Variants in ZNF717 observed in about 807,000 individuals in gnomAD.
ZNF717 encodes zinc finger protein 717.
In ZNF717, 9 loss-of-function variants were observed where a neutral mutation model predicts 13.8. The ratio of observed to expected loss-of-function variants is 0.65; its 90% CI spans 0.39 to 1.14. The LOEUF (loss-of-function observed/expected upper bound fraction) is 1.14, where lower values mean the gene tolerates loss of function less well. Among genes scored for constraint, ZNF717 ranks in the 50% most tolerant of loss-of-function variants. The probability of loss-of-function intolerance (pLI) is 0.01; values close to 1 mark genes in which losing one functional copy is unlikely to be tolerated. For missense variants in ZNF717, 1,040 were observed against 1,080.7 expected (o/e 0.96, Z 0.53); for synonymous variants, 327 against 364.1 (o/e 0.90, Z 1.16).
At chr3:75,698,346 A>G (rs1937627567) in intron 6 of ZNF717, among the ~76,000 whole-genome samples, 1 of 152,308 alleles carries the variant, frequency 6.6e-6, no homozygotes. Flanking sequence ...TAGCCAAGAC[A>G]ATGGGAAAGA....
At chr3:75,782,990 G>C (rs1041766561) in intron 2 of ZNF717, among the ~76,000 whole-genome samples, 2 of 152,240 alleles carry the variant, frequency 1.3e-5, no homozygotes, top group Non-Finnish European at 2.9e-5. Context: ...TGGTGGTTCA[G>C]ACTTGGTGCA....
intron 2 of ZNF717, among the ~76,000 whole-genome samples, chr3:75,772,361 G>A (rs1383109405): frequency 6.6e-6 from 1 of 152,342 alleles, no homozygotes; most frequent in East Asian, 1.9e-4. Context: ...CATAAACAGG[G>A]CTGAAACGTG....
chr3:75,700,114 C>T (rs1937657391), intron 6 of ZNF717, among the ~76,000 whole-genome samples: 1 of 152,300 alleles, frequency 6.6e-6, no homozygotes, highest in Admixed American at 6.5e-5. Flanking sequence ...AAATAACAGG[C>T]CAGGGGCAGT....
chr3:75,705,155 T>C (rs1230310324), downstream of ZNF717, among the ~76,000 whole-genome samples: 13 of 152,306 alleles, frequency 8.5e-5, no homozygotes, highest in Non-Finnish European at 1.6e-4. Flanking sequence ...AAACCCAGCA[T>C]GTCACTTTTT....
intron 4 of ZNF717, among the ~76,000 whole-genome samples, chr3:75,720,939 T>G (rs1938155593): frequency 6.6e-6 from 1 of 152,220 alleles, no homozygotes; most frequent in East Asian, 1.9e-4. Context: ...ATTATCAATA[T>G]TTATTAAGAT....
chr3:75,723,132 T>C (rs2106871114), intron 4 of ZNF717, among the ~76,000 whole-genome samples: 1 of 152,252 alleles, frequency 6.6e-6, no homozygotes, highest in South Asian at 2.1e-4. Context: ...AAAACCCGTG[T>C]TTTGAAAAAT....
At position 75,769,644 on chromosome 3, in the gene ZNF717, G is replaced by A. The variant is rs187265107; in HGVS notation, c.57+13662C>T. On this transcript the variant is annotated intron_variant, in intron 2 of 4. Transcript: ENST00000652011. Reference sequence around the variant, plus strand: ...ATTGAGTATTAGGTTAAAAATGCAAGAATGGAGCATAGTTAATATTTTACG... The same window carrying A: ...ATTGAGTATTAGGTTAAAAATGCAAAAATGGAGCATAGTTAATATTTTACG... Among the ~76,000 whole-genome samples, 942 of 152,308 alleles carry A rather than the reference G, an allele frequency of 6.2e-3. 8 individuals are homozygous for A. The highest frequency in any genetic ancestry group is 0.02 in the African/African-American group (849 of 41,574).
chr3:75,738,846 T>A lies in ZNF717; in HGVS notation c.777A>T (p.Val259=). The A allele has an allele frequency of 6.4e-7, 1 of 1,551,618 alleles. No homozygotes were observed. The highest frequency in any genetic ancestry group is 1.7e-4 in the Middle Eastern group (1 of 5,992). The change falls in exon 5 of 5, where the codon GTA becomes GTT. Residue 259 remains valine, a synonymous_variant. Transcript: ENST00000652011. ...ACTTTCTACAGCAAGTTGGCTGTCC[T>A]ACCTGAGTTATCACTTGGACAATAA... ...SAVIVQVITQ[V]GQPTCCRKSD...
At chr3:75,724,649 A>G (rs1938240503) in intron 4 of ZNF717, among the ~76,000 whole-genome samples, 2 of 152,256 alleles carry the variant, frequency 1.3e-5, no homozygotes, top group South Asian at 2.1e-4. Context: ...CATCAAGGAT[A>G]TTCTTAAGTA....
intron 2 of ZNF717, among the ~76,000 whole-genome samples, chr3:75,742,205 T>C (rs1940557054): frequency 6.6e-6 from 1 of 151,970 alleles, no homozygotes; most frequent in Non-Finnish European, 1.5e-5. Context: ...ATGCCTGTAG[T>C]CCTGGCTACT....
chr3:75,775,358 T>C (rs1944227996), intron 2 of ZNF717, among the ~76,000 whole-genome samples: 1 of 152,260 alleles, frequency 6.6e-6, no homozygotes, highest in Non-Finnish European at 1.5e-5. Context: ...ATTTCCACAG[T>C]TAATTGCTTA....
chr3:75,725,082 C>T (rs80244384), downstream of ZNF717, among the ~76,000 whole-genome samples: 1,093 of 45,990 alleles, frequency 0.024, no homozygotes, highest in African/African-American at 0.049. Flanking sequence ...CAGTGAAACC[C>T]TCCCTCCCTC....
chr3:75,764,990 G>GATATAGATATAT (rs1943325721), intron 2 of ZNF717, among the ~76,000 whole-genome samples: 1 of 102,298 alleles, frequency 9.8e-6, no homozygotes, highest in African/African-American at 4.5e-5. Context: ...TAAACAAAAG[G>GATATAGATATAT]ATATATATAT....
chr3:75,712,446 T>C lies in ZNF717; in HGVS notation n.668-1130A>G, dbSNP rs1162933875. 6.5e-4 allele frequency among the ~76,000 whole-genome samples: 99 copies of C among 152,328 alleles called. 1 individual carries two copies. Among genetic ancestry groups the C allele is most frequent in the Middle Eastern group, 6.8e-3 (2 of 294 alleles). ...AAAGCTTAATCCTTAGAAAGACTTTTCTAATTTTATTTAGAAAACTAATAA... is the reference window on the plus strand; with the variant it reads ...AAAGCTTAATCCTTAGAAAGACTTTCCTAATTTTATTTAGAAAACTAATAA... On this transcript the variant is annotated intron_variant and non_coding_transcript_variant, in intron 5 of 5. Transcript: ENST00000491507.
rs1178505541 is a variant in ZNF717, at chr3:75,741,749, C to T, written c.58-13G>A. 1 of 1,560,490 alleles carries T rather than the reference C, an allele frequency of 6.4e-7. No homozygotes were observed. The highest frequency in any genetic ancestry group is 8.7e-7 in the Non-Finnish European group (1 of 1,155,336). On this transcript the variant is annotated splice_polypyrimidine_tract_variant and intron_variant, in intron 2 of 4. Transcript: ENST00000652011. ...AGGACACCAACTCCTGTAATGATAC[C>T]AGGCTGTTGTAGGTCTCCAGCATCA...
downstream of ZNF717, among the ~76,000 whole-genome samples, chr3:75,735,225 T>A (rs1939016792): frequency 6.6e-6 from 1 of 152,054 alleles, no homozygotes. Context: ...GAAACTGGTA[T>A]TACATTTCTA....
chr3:75,716,987 G>C (rs1449862609), intron 4 of ZNF717, among the ~76,000 whole-genome samples: 1 of 152,144 alleles, frequency 6.6e-6, no homozygotes, highest in Non-Finnish European at 1.5e-5. Context: ...CACTACATCT[G>C]CATTTAACAG....
intron 2 of ZNF717, among the ~76,000 whole-genome samples, chr3:75,752,309 ATGTT>A (rs3035104): frequency 0.71 from 103,098 of 145,802 alleles, 36,836 homozygotes; most frequent in East Asian, 0.79. Flanking sequence ...GAGGGTCTGA[ATGTT>A]TGTCCCTCAC....
chr3:75,709,898 A>G (rs1323302769), exon 6 of ZNF717: 4 of 152,106 alleles, frequency 2.6e-5, no homozygotes, highest in Non-Finnish European at 5.9e-5. Context: ...GCTAGGATGG[A>G]CCTATTTTGG....
Sources: gnomAD v4.1 joint callset for allele counts (sites outside exome capture counted in the v4.1 genomes callset) on GRCh38, gnomAD v4.1.1 for gene constraint, MANE v1.5 for transcripts, NCBI Gene and HGNC (gene_info 2026-07-23, HGNC 2026-07-21) for gene names.